Variants in SH3GL3 observed in about 807,000 individuals in gnomAD.
The protein encoded by SH3GL3 is endophilin-A3.
A neutral mutation model predicts 47.7 loss-of-function variants in SH3GL3; 33 were observed. That is an observed-to-expected ratio of 0.69 (90% CI 0.52 to 0.92). SH3GL3 has a LOEUF of 0.92. SH3GL3 is among the 40% of genes least tolerant of loss of function. The probability of loss-of-function intolerance (pLI) is 0.00; values close to 1 mark genes in which losing one functional copy is unlikely to be tolerated. For missense variants in SH3GL3, 363 were observed against 417.8 expected, an observed-to-expected ratio of 0.87 and a Z score of 1.14; for synonymous variants, 155 against 148.8, an observed-to-expected ratio of 1.04 and a Z score of -0.30.
intron 2 of SH3GL3, among the ~76,000 whole-genome samples, chr15:83,562,792 C>G (rs887123536): frequency 1.1e-4 from 16 of 152,148 alleles, no homozygotes; most frequent in Admixed American, 7.2e-4. Flanking sequence ...TTCCTAAGCC[C>G]TTACATTTCT....
chr15:83,486,122 T>A (rs1235609168), intron 1 of SH3GL3, among the ~76,000 whole-genome samples: 1 of 152,238 alleles, frequency 6.6e-6, no homozygotes, highest in East Asian at 1.9e-4. Flanking sequence ...GCCCAGCCTA[T>A]ATTCAAATTT....
chr15:83,550,653 G>T (rs1163685903), intron 1 of SH3GL3, among the ~76,000 whole-genome samples: 1 of 152,168 alleles, frequency 6.6e-6, no homozygotes, highest in Non-Finnish European at 1.5e-5. Context: ...GCCTTCCAAA[G>T]TGCTGAGATT....
intron 6 of SH3GL3, among the ~76,000 whole-genome samples, chr15:83,586,199 G>A (rs1389510299): frequency 6.6e-6 from 1 of 152,174 alleles, no homozygotes; most frequent in South Asian, 2.1e-4. Context: ...TCTCTTTCCT[G>A]TAGCAGCCCC....
chr15:83,582,243 A>G (rs1224164728), intron 6 of SH3GL3, among the ~76,000 whole-genome samples: 4 of 152,226 alleles, frequency 2.6e-5, no homozygotes, highest in Non-Finnish European at 5.9e-5. Context: ...GAGATATTCC[A>G]TAGAAGATGC....
chr15:83,614,384 G>A (rs1169714404), intron 8 of SH3GL3, among the ~76,000 whole-genome samples: 1 of 152,208 alleles, frequency 6.6e-6, no homozygotes, highest in East Asian at 1.9e-4. Context: ...GTAGATCATA[G>A]AGGTTATATT....
At chr15:83,556,640 C>T (rs1355310241) in intron 1 of SH3GL3, among the ~76,000 whole-genome samples, 5 of 152,194 alleles carry the variant, frequency 3.3e-5, no homozygotes, top group Non-Finnish European at 7.3e-5. Flanking sequence ...ATGTGGGCTT[C>T]TGTGGTTTCA....
At chr15:83,587,790 C>G (rs895334683) in intron 7 of SH3GL3, among the ~76,000 whole-genome samples, 3 of 151,932 alleles carry the variant, frequency 2.0e-5, no homozygotes, top group African/African-American at 7.3e-5. Context: ...GCATGGCAAC[C>G]CTGTTTATTA....
intron 1 of SH3GL3, among the ~76,000 whole-genome samples, chr15:83,476,376 C>A (rs1050136030): frequency 6.6e-6 from 1 of 152,166 alleles, no homozygotes; most frequent in Non-Finnish European, 1.5e-5. Flanking sequence ...AATTCTCTAA[C>A]CTTTTCTCCA....
chr15:83,632,596 C>A, the SH3GL3 span, among the ~76,000 whole-genome samples: 33 of 152,316 alleles, frequency 2.2e-4, no homozygotes, highest in Admixed American at 7.2e-4. Flanking sequence ...GAAGGGGAAG[C>A]AAACATGTCC....
At chr15:83,627,345 C>T in the SH3GL3 span, among the ~76,000 whole-genome samples, 3 of 146,046 alleles carry the variant, frequency 2.1e-5, no homozygotes, top group Admixed American at 7.2e-5. Context: ...TGCAGTGAGC[C>T]GAGATTGCGC....
In SH3GL3 at chr15:83,447,533, G is replaced by T; in HGVS notation, c.-1G>T. The T allele has an allele frequency of 6.6e-7, 1 of 1,503,822 alleles. No individual in the cohort carries two copies. The highest frequency in any genetic ancestry group is 1.3e-5 in the South Asian group (1 of 79,624). The allele number at this position is 1,503,822 out of a possible 1,614,324, so 93.2% of individuals were successfully genotyped here. A position where few individuals can be genotyped will look rare whatever the true frequency, so the allele number is the denominator to read the frequency against. ...CCCCGCCCCTGCCGGTCGCAGTCGC[G>T]ATGTCGGTGGCCGGGCTGAAGAAGC... is the stretch of plus-strand genomic sequence containing the variant. On this transcript the variant is annotated 5_prime_UTR_variant, in exon 1 of 9. Coordinates refer to ENST00000427482, the MANE Select transcript of SH3GL3 (RefSeq NM_003027.5). The surrounding 1 kb of genome is among the most constrained non-coding windows in gnomAD (Gnocchi z 5.1).
rs775279705 is a variant in SH3GL3, at chr15:83,568,664, C to G, written c.323C>G (p.Ser108Cys). ...LKYGKELGEDSTFGNALIEVG... is the reference protein window; with the variant it reads ...LKYGKELGEDCTFGNALIEVG... ...TACGGGAAGGAGCTCGGGGAAGACT[C>G]CACCTTTGGTGAGTTATTCAGAGAT... The change falls in exon 4 of 9, where the codon TCC becomes TGC. Residue 108 changes from serine to cysteine, a missense_variant. Ser to Cys is a moderately radical substitution (Grantham distance 112). Coordinates refer to ENST00000427482, the MANE Select transcript of SH3GL3 (RefSeq NM_003027.5). 31 of 1,613,488 alleles carry G rather than the reference C, an allele frequency of 1.9e-5. No individual in the cohort carries two copies. The highest frequency in any genetic ancestry group is 2.5e-5 in the Non-Finnish European group (29 of 1,179,552).
rs1045433605 is a variant in SH3GL3, at chr15:83,463,963, T to C, written c.45+16385T>C. Among the ~76,000 whole-genome samples, 4 of 152,058 alleles carry C rather than the reference T, an allele frequency of 2.6e-5. No homozygotes were observed. The East Asian group carries it at 5.8e-4, about 22-fold the overall frequency. ...TTTTAGTAGAGATGGGGTTTCACCA[T>C]GTTGGCCAGGCTGGTCTCAAACTCC... On this transcript the variant is annotated intron_variant, in intron 1 of 8. Transcript: ENST00000427482.
intron 1 of SH3GL3, among the ~76,000 whole-genome samples, chr15:83,554,546 C>G (rs1216766704): frequency 6.6e-6 from 1 of 152,112 alleles, no homozygotes; most frequent in Non-Finnish European, 1.5e-5. Flanking sequence ...CGCCACCACA[C>G]CCGGCTAATT....
chr15:83,595,443 A>G (rs1896798), intron 8 of SH3GL3, among the ~76,000 whole-genome samples: 9,875 of 151,946 alleles, frequency 0.065, 1,056 homozygotes, highest in African/African-American at 0.22. Flanking sequence ...CTGCACACCA[A>G]ATCCCTGTGA....
intron 1 of SH3GL3, among the ~76,000 whole-genome samples, chr15:83,458,300 T>C (rs2040098066): frequency 6.6e-6 from 1 of 152,212 alleles, no homozygotes; most frequent in African/African-American, 2.4e-5. Context: ...TTTGAAATGC[T>C]TTCCCAATGG....
At chr15:83,516,451 A>G (rs1168212316) in intron 1 of SH3GL3, among the ~76,000 whole-genome samples, 1 of 152,162 alleles carries the variant, frequency 6.6e-6, no homozygotes, top group East Asian at 1.9e-4. Context: ...GAAATACCTG[A>G]GACTGGGTAA....
At chr15:83,606,134 C>G (rs2060509918) in intron 8 of SH3GL3, among the ~76,000 whole-genome samples, 1 of 152,076 alleles carries the variant, frequency 6.6e-6, no homozygotes, top group Non-Finnish European at 1.5e-5. Context: ...CTGGGACCTG[C>G]TTTAAACATA....
At chr15:83,592,190 G>T (rs1003750029) in intron 8 of SH3GL3, among the ~76,000 whole-genome samples, 1 of 152,122 alleles carries the variant, frequency 6.6e-6, no homozygotes, top group Admixed American at 6.5e-5. Context: ...TTGATTTCCT[G>T]ATATGGAAGA....
Sources: gnomAD v4.1 joint callset for allele counts (sites outside exome capture counted in the v4.1 genomes callset) on GRCh38, gnomAD v4.1.1 for gene constraint, Gnocchi (gnomAD v3.1) non-coding constraint, MANE v1.5 for transcripts, NCBI Gene and HGNC (gene_info 2026-07-23, HGNC 2026-07-21) for gene names.